Variants in ZSCAN5A observed in about 807,000 individuals in gnomAD.
ZSCAN5A encodes the protein zinc finger and SCAN domain-containing protein 5A.
In ZSCAN5A, 12 loss-of-function variants were observed where a neutral mutation model predicts 23.7. The observed-to-expected ratio is 0.51, with a 90% CI of 0.32 to 0.82. The LOEUF is 0.82. Ranked by LOEUF, ZSCAN5A falls within the 40% of genes least tolerant of loss-of-function variation. The pLI, the probability that ZSCAN5A is intolerant of heterozygous loss-of-function variation, is 0.03. For missense variants in ZSCAN5A, 597 were observed against 617.9 expected, an observed-to-expected ratio of 0.97 and a Z score of 0.36; for synonymous variants, 257 against 239.9, an observed-to-expected ratio of 1.07 and a Z score of -0.66.
chr19:56,320,190 T>C lies in ZSCAN5A; in HGVS notation c.-357-3922A>G, dbSNP rs1600279488. 5 of 677,198 alleles carry C rather than the reference T, an allele frequency of 7.4e-6. No individual in the cohort carries two copies. In the Admixed American group the frequency reaches 9.2e-5, roughly 13 times the overall value. The allele number at this position is 677,198 out of a possible 1,614,324, so 41.9% of individuals were successfully genotyped here. On this transcript the variant is annotated intron_variant, in intron 2 of 6. Transcript: ENST00000587340. ...CTTCCTGGTTGTTTCAAGTTGTTCC[T>C]GTTTCTTATAATCATCTCAATTCTG...
intron 2 of ZSCAN5A, chr19:56,247,022 AC>A (rs769579924): frequency 9.9e-7 from 1 of 1,005,992 alleles, no homozygotes; most frequent in Non-Finnish European, 1.6e-6. Context: ...GCAGTCAGTC[AC>A]CCCAATGGCC....
intron 2 of ZSCAN5A, chr19:56,245,111 G>T: frequency 3.2e-6 from 1 of 316,892 alleles, no homozygotes; most frequent in South Asian, 3.7e-5. Flanking sequence ...GCATTGGGAA[G>T]GCAGATTTGA....
intron 2 of ZSCAN5A, chr19:56,338,229 C>T (rs1369752768): frequency 6.6e-6 from 1 of 152,128 alleles, no homozygotes; most frequent in Non-Finnish European, 1.5e-5. Flanking sequence ...CTTACAAATT[C>T]TCTACCACTA....
intron 2 of ZSCAN5A, among the ~76,000 whole-genome samples, chr19:56,279,122 T>C (rs1444234982): frequency 2.0e-5 from 3 of 152,102 alleles, no homozygotes; most frequent in African/African-American, 7.2e-5. Context: ...AGAATAAACG[T>C]CTTACTGCTA....
intron 2 of ZSCAN5A, among the ~76,000 whole-genome samples, chr19:56,271,029 G>T (rs1321250285): frequency 6.6e-6 from 1 of 152,206 alleles, no homozygotes; most frequent in African/African-American, 2.4e-5. Flanking sequence ...TACATCCCAG[G>T]CATTTGTTGC....
At chr19:56,252,777 G>A (rs898594104) in intron 2 of ZSCAN5A, among the ~76,000 whole-genome samples, 1 of 152,240 alleles carries the variant, frequency 6.6e-6, no homozygotes, top group Non-Finnish European at 1.5e-5. Context: ...ATGGTCACCA[G>A]GGGAAATAGG....
chr19:56,242,089 A>AC (rs1330695501), intron 2 of ZSCAN5A, among the ~76,000 whole-genome samples: 9 of 151,876 alleles, frequency 5.9e-5, no homozygotes, highest in Non-Finnish European at 1.2e-4. Flanking sequence ...CAGTTGTTGG[A>AC]CTTTCAATTT....
chr19:56,253,759 G>C (rs147556572), intron 2 of ZSCAN5A, among the ~76,000 whole-genome samples: 333 of 152,298 alleles, frequency 2.2e-3, no homozygotes, highest in South Asian at 3.7e-3. Context: ...GAGTGGATGA[G>C]AACTGGAGAA....
intron 1 of ZSCAN5A, among the ~76,000 whole-genome samples, chr19:56,367,018 T>A (rs2041771892): frequency 6.6e-6 from 1 of 152,086 alleles, no homozygotes. Flanking sequence ...AACCAACTCA[T>A]AAGAGAACCC....
chr19:56,327,340 C>T (rs1360504820), intron 2 of ZSCAN5A, among the ~76,000 whole-genome samples: 1 of 151,938 alleles, frequency 6.6e-6, no homozygotes, highest in Non-Finnish European at 1.5e-5. Flanking sequence ...TGGTCTCGAA[C>T]TCCTGGCCTC....
intron 2 of ZSCAN5A, among the ~76,000 whole-genome samples, chr19:56,362,870 CAAA>C (rs569648990): frequency 1.1e-4 from 9 of 79,690 alleles, no homozygotes; most frequent in Non-Finnish European, 1.0e-4. Context: ...GACTCTGCCT[CAAA>C]AAAAAAAAAA....
rs2041673479 is a variant in ZSCAN5A at position 56,352,442 on chromosome 19, G to C, written c.-358+10793C>G. On this transcript the variant is annotated intron_variant, in intron 2 of 6. Transcript: ENST00000587340. This position sits in a 1 kb window ranked among gnomAD's most constrained non-coding sequence, Gnocchi z 4.2. The stretch of plus-strand genomic sequence containing the variant: ...GGGACTGATTATTGAAAGAATTTCG[G>C]TGAAAAAATAAACATTTATCCTTAG... Among the ~76,000 whole-genome samples, 1 of 152,144 alleles carries C rather than the reference G, an allele frequency of 6.6e-6. No individual in the cohort carries two copies. The highest frequency in any genetic ancestry group is 1.5e-5 in the Non-Finnish European group (1 of 68,022).
At chr19:56,231,340 C>T (rs1367667204) in intron 2 of ZSCAN5A, among the ~76,000 whole-genome samples, 1 of 152,084 alleles carries the variant, frequency 6.6e-6, no homozygotes, top group Admixed American at 6.5e-5. Flanking sequence ...ATGTTGTACA[C>T]CAAAAATGTG....
chr19:56,311,548 T>A (rs896005323), intron 2 of ZSCAN5A, among the ~76,000 whole-genome samples: 51 of 152,182 alleles, frequency 3.4e-4, no homozygotes, highest in African/African-American at 1.2e-3. Context: ...GCCTGAAGCA[T>A]CAGTTGGTAT....
chr19:56,279,504 A>T (rs2038520660), intron 2 of ZSCAN5A, among the ~76,000 whole-genome samples: 1 of 152,226 alleles, frequency 6.6e-6, no homozygotes, highest in South Asian at 2.1e-4. Flanking sequence ...TTAATTAAGC[A>T]TTTAGCATGT....
At chr19:56,353,962 A>C (rs920586101) in intron 2 of ZSCAN5A, among the ~76,000 whole-genome samples, 27 of 152,180 alleles carry the variant, frequency 1.8e-4, no homozygotes, top group Non-Finnish European at 3.8e-4. Flanking sequence ...GTCGCCCTTA[A>C]AAGAGAGGAA....
chr19:56,271,267 T>C (rs2037828698), intron 2 of ZSCAN5A, among the ~76,000 whole-genome samples: 1 of 152,182 alleles, frequency 6.6e-6, no homozygotes, highest in Non-Finnish European at 1.5e-5. Flanking sequence ...GCCTTCCCTT[T>C]CTTTCACTAT....
chr19:56,222,414 C>G lies in ZSCAN5A; in HGVS notation c.740-88G>C, dbSNP rs1458698776. The G allele has an allele frequency of 6.4e-6, 10 of 1,570,802 alleles. No homozygotes were observed. In the African/African-American group the frequency reaches 8.1e-5, roughly 13 times the overall value. ...GCAACCAAACACTGATGTTGGCTGA[C>G]AACTTCCGCTCAAGCTCAAGCCTAA... is the stretch of plus-strand genomic sequence containing the variant. On this transcript the variant is annotated intron_variant, in intron 5 of 5. Transcript: ENST00000683990.
In ZSCAN5A at chr19:56,244,159, C is replaced by T. The variant is rs574880922; in HGVS notation, c.-127-18986G>A. 2,607 of 1,607,544 alleles carry T rather than the reference C, an allele frequency of 1.6e-3. 7 individuals are homozygous for T. The highest frequency in any genetic ancestry group is 2.0e-3 in the Non-Finnish European group (2,352 of 1,174,082). ...CTCAACTTGGAAATCATGACTGGGA[C>T]CCTGAGACTTGTCACGTGAACTTCA... On this transcript the variant is annotated intron_variant, in intron 2 of 5. Transcript: ENST00000683990.
Sources: allele counts gnomAD v4.1 joint callset (sites outside exome capture counted in the v4.1 genomes callset), GRCh38; gene constraint gnomAD v4.1.1; non-coding constraint Gnocchi (gnomAD v3.1); transcripts MANE v1.5; gene names NCBI Gene and HGNC (gene_info 2026-07-23, HGNC 2026-07-21).